The following MACROD2 variants were observed in gnomAD, a reference collection of about 807,000 sequenced individuals.
MACROD2 encodes the protein ADP-ribose glycohydrolase MACROD2.
Under a neutral mutation model 70.4 loss-of-function variants are expected in MACROD2, and 36 were observed. The ratio of observed to expected loss-of-function variants is 0.51; its 90% CI spans 0.39 to 0.68. The LOEUF is 0.68. Ranked by LOEUF, MACROD2 falls within the 30% of genes least tolerant of loss-of-function variation. MACROD2 has a pLI of 0.00. For synonymous variants in MACROD2, 172 were observed against 178.8 expected, an observed-to-expected ratio of 0.96 and a Z score of 0.30; for missense variants, 496 against 538.4, an observed-to-expected ratio of 0.92 and a Z score of 0.78.
chr20:14,479,857 T>G (rs910099676), intron 3 of MACROD2, among the ~76,000 whole-genome samples: 4 of 152,216 alleles, frequency 2.6e-5, no homozygotes, highest in Non-Finnish European at 5.9e-5. Context: ...ATATACTTTA[T>G]AGATTTATTT....
In MACROD2 at chr20:15,812,079, A is replaced by G. The variant is rs997721908; in HGVS notation, c.646-50666A>G. ...ACCCCAAATGTCTGAACGTTCTGCA[A>G]TATGAAGCATGCTTTGCATGTCAGC... On this transcript the variant is annotated intron_variant, in intron 8 of 17. Transcript: ENST00000684519. 4.6e-5 allele frequency among the ~76,000 whole-genome samples: 7 copies of G among 152,234 alleles called. No homozygotes were observed. In the East Asian group the frequency reaches 5.8e-4, roughly 13 times the overall value.
chr20:14,621,095 A>T (rs1176274928), intron 4 of MACROD2, among the ~76,000 whole-genome samples: 4 of 152,068 alleles, frequency 2.6e-5, no homozygotes, highest in Non-Finnish European at 5.9e-5. Flanking sequence ...ATCACTTTAG[A>T]TCTTAGTTTC....
intron 3 of MACROD2, among the ~76,000 whole-genome samples, chr20:14,170,188 G>A (rs185487141): frequency 2.6e-5 from 4 of 152,250 alleles, no homozygotes; most frequent in East Asian, 1.9e-4. Flanking sequence ...CACCACACCC[G>A]GCCAACACTT....
At chr20:14,893,339 G>A (rs912953479) in intron 5 of MACROD2, 1 of 152,016 alleles carries the variant, frequency 6.6e-6, no homozygotes, top group Non-Finnish European at 1.5e-5. Context: ...GGGTCATATG[G>A]TGATTCCATG....
intron 4 of MACROD2, among the ~76,000 whole-genome samples, chr20:14,582,082 C>A (rs1156398491): frequency 6.6e-6 from 1 of 152,004 alleles, no homozygotes; most frequent in Non-Finnish European, 1.5e-5. Flanking sequence ...CTTCCTATCC[C>A]ATTCAACTCT....
intron 8 of MACROD2, among the ~76,000 whole-genome samples, chr20:15,687,908 A>G (rs2050248992): frequency 6.6e-6 from 1 of 152,080 alleles, no homozygotes. Flanking sequence ...TCTGTTGGTT[A>G]TACACTCAGG....
At chr20:15,007,729 C>T (rs552798975) in intron 5 of MACROD2, among the ~76,000 whole-genome samples, 45 of 152,210 alleles carry the variant, frequency 3.0e-4, no homozygotes, top group Non-Finnish European at 5.6e-4. Flanking sequence ...GGGTTGCTGC[C>T]ACCTCTTTGT....
chr20:15,703,106 T>C (rs2050483839), intron 8 of MACROD2, among the ~76,000 whole-genome samples: 1 of 152,220 alleles, frequency 6.6e-6, no homozygotes, highest in Admixed American at 6.5e-5. Flanking sequence ...AGCATGAAAC[T>C]GGACCTCTGC....
At chr20:14,053,589 G>A (rs1021499389) in intron 2 of MACROD2, 3 of 152,118 alleles carry the variant, frequency 2.0e-5, no homozygotes, top group African/African-American at 7.2e-5. Flanking sequence ...TATCACGAGA[G>A]CTTTGTAAGG....
intron 7 of MACROD2, among the ~76,000 whole-genome samples, chr20:15,499,367 T>A (rs1464640123): frequency 1.3e-5 from 2 of 152,200 alleles, no homozygotes; most frequent in Non-Finnish European, 2.9e-5. Context: ...GAACTGACCC[T>A]GGACTAACTG....
intron 5 of MACROD2, among the ~76,000 whole-genome samples, chr20:14,973,532 CT>C (rs35407993): frequency 1.3e-5 from 2 of 152,092 alleles, no homozygotes; most frequent in South Asian, 4.2e-4. Flanking sequence ...CAAGTATTTG[CT>C]TTTTATGGAG....
At chr20:14,520,624 C>T (rs975972203) in intron 4 of MACROD2, among the ~76,000 whole-genome samples, 4 of 152,042 alleles carry the variant, frequency 2.6e-5, no homozygotes, top group Non-Finnish European at 5.9e-5. Context: ...AGTTTTTCAT[C>T]TTCCCTGGTG....
chr20:14,053,510 G>A (rs981493356), intron 2 of MACROD2: 1 of 152,082 alleles, frequency 6.6e-6, no homozygotes, highest in African/African-American at 2.4e-5. Context: ...AGGTACTTTT[G>A]CTTCCATTTC....
chr20:14,241,376 A>ACC (rs1185819306), intron 3 of MACROD2, among the ~76,000 whole-genome samples: 2 of 152,174 alleles, frequency 1.3e-5, no homozygotes, highest in African/African-American at 4.8e-5. Flanking sequence ...ATTTTCATTC[A>ACC]GATTGGTGTG....
rs567707103 is a variant in MACROD2 at position 14,285,722 on chromosome 20, A to G, written c.271+199994A>G. The stretch of plus-strand genomic sequence containing the variant: ...ATGGTTTTTGGGTATGGATAACTTT[A>G]TTAACCCACCATTGGTAGAATATGC... On this transcript the variant is annotated intron_variant, in intron 3 of 17. Coordinates refer to ENST00000684519, the MANE Select transcript of MACROD2 (RefSeq NM_001351661.2). Among the ~76,000 whole-genome samples, 12 of 152,164 alleles carry G rather than the reference A, an allele frequency of 7.9e-5. No homozygotes were observed. The South Asian group carries it at 8.3e-4, about 11-fold the overall frequency.
At chr20:14,590,718 A>C (rs995962932) in intron 4 of MACROD2, among the ~76,000 whole-genome samples, 1 of 152,180 alleles carries the variant, frequency 6.6e-6, no homozygotes, top group African/African-American at 2.4e-5. Flanking sequence ...ATAAAAGAAA[A>C]TATTTCATTT....
chr20:15,736,443 T>C (rs1044830626), intron 8 of MACROD2, among the ~76,000 whole-genome samples: 3 of 152,180 alleles, frequency 2.0e-5, no homozygotes, highest in African/African-American at 7.2e-5. Context: ...GGATTCCAGA[T>C]GTGTACAGAG....
intron 3 of MACROD2, among the ~76,000 whole-genome samples, chr20:14,301,139 A>G (rs1481968821): frequency 6.6e-6 from 1 of 152,200 alleles, no homozygotes; most frequent in Non-Finnish European, 1.5e-5. Context: ...ACCTGAGATC[A>G]CACACCTAGT....
intron 2 of MACROD2, among the ~76,000 whole-genome samples, chr20:14,076,276 T>C (rs2053915224): frequency 1.3e-5 from 2 of 152,186 alleles, no homozygotes; most frequent in African/African-American, 4.8e-5. Context: ...ATTCAAATTA[T>C]CTTAGAGATT....
Sources: allele counts gnomAD v4.1 joint callset (sites outside exome capture counted in the v4.1 genomes callset), GRCh38; gene constraint gnomAD v4.1.1; transcripts MANE v1.5; gene names NCBI Gene and HGNC (gene_info 2026-07-23, HGNC 2026-07-21).